The following TNNI3K variants were observed in gnomAD, a reference collection of about 807,000 sequenced individuals.
TNNI3K encodes the protein TNNI3 interacting kinase.
In TNNI3K, 140 loss-of-function variants were observed where a neutral mutation model predicts 114.5. The observed-to-expected ratio is 1.22, with a 90% CI of 1.07 to 1.41. The LOEUF is 1.41. Ranked by LOEUF, TNNI3K falls within the 40% of genes most tolerant of loss-of-function variation. The probability of loss-of-function intolerance (pLI) is 0.00; values close to 1 mark genes in which losing one functional copy is unlikely to be tolerated. For synonymous variants in TNNI3K, 347 were observed against 347.5 expected (o/e 1.00, Z 0.02); for missense variants, 1,125 against 1,007.6 (o/e 1.12, Z -1.58).
At chr1:74,369,636 C>T (rs1360159723) in intron 16 of TNNI3K, 51 bp downstream of exon 16, 2 of 1,509,680 alleles carry the variant, frequency 1.3e-6, no homozygotes, top group Non-Finnish European at 1.8e-6. Flanking sequence ...AGAAACTACT[C>T]TTGCAATACT....
intron 2 of TNNI3K, among the ~76,000 whole-genome samples, chr1:74,245,001 A>G (rs181953792): frequency 4.1e-4 from 63 of 152,220 alleles, no homozygotes; most frequent in African/African-American, 1.5e-3. Flanking sequence ...TCTATGTATA[A>G]TTTAAACTTT....
intron 20 of TNNI3K, among the ~76,000 whole-genome samples, chr1:74,449,494 T>C (rs1017859757): frequency 2.0e-5 from 3 of 152,152 alleles, no homozygotes; most frequent in Admixed American, 6.5e-5. Flanking sequence ...ATCAGTGTGC[T>C]GTATTCAGGA....
intron 17 of TNNI3K, among the ~76,000 whole-genome samples, chr1:74,396,055 C>G (rs1466471054): frequency 6.6e-6 from 1 of 152,034 alleles, no homozygotes; most frequent in African/African-American, 2.4e-5. Flanking sequence ...AACCCTCATG[C>G]TCCCCCTTAA....
intron 21 of TNNI3K, among the ~76,000 whole-genome samples, chr1:74,472,449 T>A (rs2100740642): frequency 6.6e-6 from 1 of 152,316 alleles, no homozygotes; most frequent in African/African-American, 2.4e-5. Flanking sequence ...GAGTTAGAAA[T>A]ATAAATGTTA....
chr1:74,452,432 C>A (rs1667066939), intron 20 of TNNI3K, among the ~76,000 whole-genome samples: 1 of 152,094 alleles, frequency 6.6e-6, no homozygotes, highest in Non-Finnish European at 1.5e-5. Context: ...TCCTTGACTC[C>A]TCTTTAGTCT....
At chr1:74,465,317 C>G (rs1482474615) in intron 21 of TNNI3K, among the ~76,000 whole-genome samples, 1 of 152,190 alleles carries the variant, frequency 6.6e-6, no homozygotes, top group East Asian at 1.9e-4. Context: ...CGCTCGGGTG[C>G]CAGCATGAGT....
chr1:74,366,441 G>A (rs989563514), intron 11 of TNNI3K: 1 of 151,882 alleles, frequency 6.6e-6, no homozygotes, highest in Admixed American at 6.6e-5. Context: ...CTAGATTGTT[G>A]GTGGTGTTAT....
chr1:74,336,023 C>A lies in TNNI3K; in HGVS notation c.556C>A (p.Leu186Ile). The change falls in exon 7 of 25, where the codon CTT (leucine) becomes ATT (isoleucine). Residue 186 changes from leucine to isoleucine, a missense_variant. By Grantham distance (5) the Leu-to-Ile change is conservative. Coordinates refer to ENST00000326637, the MANE Select transcript of TNNI3K (RefSeq NM_015978.3). ...ATAAATCCTTTAGGTAACTCGCCTTCTTTTGAAATTTGGTGCTGATGTAAA... is the reference window on the plus strand; with the variant it reads ...ATAAATCCTTTAGGTAACTCGCCTTATTTTGAAATTTGGTGCTGATGTAAA... ...YYGHEQVTRLLLKFGADVNVS... is the reference protein window; with the variant it reads ...YYGHEQVTRLILKFGADVNVS... The A allele has an allele frequency of 1.9e-6, 3 of 1,572,506 alleles. No homozygotes were observed. Among genetic ancestry groups the A allele is most frequent in the Non-Finnish European group, 2.6e-6 (3 of 1,167,582 alleles).
intron 19 of TNNI3K, among the ~76,000 whole-genome samples, chr1:74,437,830 C>T (rs956132178): frequency 6.6e-6 from 1 of 151,622 alleles, no homozygotes; most frequent in Admixed American, 6.6e-5. Context: ...AATCTGATCC[C>T]CAGAAATTAT....
intron 5 of TNNI3K, among the ~76,000 whole-genome samples, chr1:74,289,411 C>T (rs942492345): frequency 6.6e-6 from 1 of 151,446 alleles, no homozygotes; most frequent in Non-Finnish European, 1.5e-5. Context: ...GAAGTTTGAC[C>T]CTAACAAAAG....
At chr1:74,522,961 G>A (rs1302049539) in intron 23 of TNNI3K, among the ~76,000 whole-genome samples, 1 of 152,194 alleles carries the variant, frequency 6.6e-6, no homozygotes, top group Non-Finnish European at 1.5e-5. Context: ...ACTGGAAATT[G>A]AAGAATCCAA....
intron 5 of TNNI3K, among the ~76,000 whole-genome samples, chr1:74,320,032 C>T (rs1659522075): frequency 6.6e-6 from 1 of 152,140 alleles, no homozygotes; most frequent in South Asian, 2.1e-4. Context: ...GGGTTTGAGT[C>T]CCATCTGCAA....
At chr1:74,239,922 T>G in intron 2 of TNNI3K, 1 of 469,834 alleles carries the variant, frequency 2.1e-6, no homozygotes, top group Non-Finnish European at 4.4e-6. Flanking sequence ...TGCTATAAAG[T>G]TGCATTCACT....
At chr1:74,335,432 A>T (rs992633061) in intron 6 of TNNI3K, among the ~76,000 whole-genome samples, 11 of 151,850 alleles carry the variant, frequency 7.2e-5, no homozygotes, top group African/African-American at 2.7e-4. Context: ...TGGGCCATAT[A>T]TTTTTTTTCT....
chr1:74,471,825 A>T, intron 21 of TNNI3K: 1 of 435,284 alleles, frequency 2.3e-6, no homozygotes, highest in Non-Finnish European at 4.1e-6. Context: ...GCTCTTTCTC[A>T]GGCTTTGAGT....
At chr1:74,333,064 G>A (rs1173740084) in intron 6 of TNNI3K, among the ~76,000 whole-genome samples, 1 of 150,230 alleles carries the variant, frequency 6.7e-6, no homozygotes, top group Admixed American at 6.7e-5. Context: ...TCCTCACTTT[G>A]TCTTTCTAGA....
intron 17 of TNNI3K, among the ~76,000 whole-genome samples, chr1:74,418,940 C>G (rs1665265314): frequency 6.6e-6 from 1 of 152,026 alleles, no homozygotes; most frequent in Non-Finnish European, 1.5e-5. Flanking sequence ...TCTCATAGTT[C>G]CTTCTTGTTT....
At chr1:74,476,400 GT>G (rs1167873063) in intron 21 of TNNI3K, among the ~76,000 whole-genome samples, 2 of 151,990 alleles carry the variant, frequency 1.3e-5, no homozygotes, top group Non-Finnish European at 2.9e-5. Flanking sequence ...GATTTCCCTT[GT>G]TTTTTCACCC....
At chr1:74,453,464 C>T (rs924213472) in intron 20 of TNNI3K, among the ~76,000 whole-genome samples, 2 of 152,058 alleles carry the variant, frequency 1.3e-5, no homozygotes, top group African/African-American at 2.4e-5. Flanking sequence ...CAACGAGGAA[C>T]GAATCCATGA....
Sources: allele counts gnomAD v4.1 joint callset (sites outside exome capture counted in the v4.1 genomes callset), GRCh38; gene constraint gnomAD v4.1.1; transcripts MANE v1.5; gene names NCBI Gene and HGNC (gene_info 2026-07-23, HGNC 2026-07-21).